The following SIGLEC1 variants were observed in gnomAD, a reference collection of about 807,000 sequenced individuals.
SIGLEC1 encodes the protein sialic acid binding Ig like lectin 1.
Under a neutral mutation model 148.0 loss-of-function variants are expected in SIGLEC1, and 132 were observed. That is an observed-to-expected ratio of 0.89 (90% CI 0.77 to 1.03). The LOEUF is 1.03. Ranked by LOEUF, SIGLEC1 falls within the 50% of genes least tolerant of loss-of-function variation. The probability of loss-of-function intolerance (pLI) is 0.00; values close to 1 mark genes in which losing one functional copy is unlikely to be tolerated. For missense variants in SIGLEC1, 2,253 were observed against 2,271.4 expected, an observed-to-expected ratio of 0.99 and a Z score of 0.16; for synonymous variants, 945 against 969.0, an observed-to-expected ratio of 0.98 and a Z score of 0.46.
In SIGLEC1 at chr20:3,704,101, A is replaced by G; in HGVS notation, c.707-10T>C. The G allele has an allele frequency of 6.2e-7, 1 of 1,609,820 alleles. No homozygotes were observed. Among genetic ancestry groups the G allele is most frequent in the East Asian group, 2.2e-5 (1 of 44,798 alleles). ...ACACCCTTGGGGGCATCTGCAAGTCACAGTAGGGGGTATTGGGTAAGGTGC... is the reference window on the plus strand; with the variant it reads ...ACACCCTTGGGGGCATCTGCAAGTCGCAGTAGGGGGTATTGGGTAAGGTGC... On this transcript the variant is annotated splice_polypyrimidine_tract_variant and intron_variant, in intron 4 of 21. Transcript: ENST00000344754.
At position 3,697,977 on chromosome 20, in the gene SIGLEC1, G is replaced by A. The variant is rs1019334904; in HGVS notation, c.1943C>T (p.Pro648Leu). The change falls in exon 9 of 22, where the codon CCA becomes CTA. Residue 648 changes from proline to leucine, a missense_variant. Physicochemically the swap from Pro to Leu is moderately conservative, Grantham distance 98. Coordinates refer to ENST00000344754, the MANE Select transcript of SIGLEC1 (RefSeq NM_023068.4). Reference sequence around the variant, plus strand: ...ACAGGTGCTGCAGCCACCCCCTGATGGCAGGGAAGTGGCCACAACACGGTC... The same window carrying A: ...ACAGGTGCTGCAGCCACCCCCTGATAGCAGGGAAGTGGCCACAACACGGTC... Reference protein sequence around the residue: ...HKDRVVATSLPSGGGCSTCGG... With the variant: ...HKDRVVATSLLSGGGCSTCGG... The A allele has an allele frequency of 6.2e-7, 1 of 1,611,704 alleles. No homozygotes were observed. The highest frequency in any genetic ancestry group is 8.5e-7 in the Non-Finnish European group (1 of 1,179,234).
Position 3,690,205 on chromosome 20 carries a change from T to TGCCCCGGAGGCCACCCTCAG in SIGLEC1, c.4631_4650dup (p.Ile1551LeufsTer21). 1.9e-6 allele frequency: 3 copies of TGCCCCGGAGGCCACCCTCAG among 1,558,756 alleles called. No homozygotes were observed. Among genetic ancestry groups the TGCCCCGGAGGCCACCCTCAG allele is most frequent in the Non-Finnish European group, 2.6e-6 (3 of 1,151,962 alleles). Reference sequence around the variant, plus strand: ...TCGCTGTCCACTCGGCAATCCAGGATGCCCCGGAGGCCACCCTCAGGCTCC... The same window carrying TGCCCCGGAGGCCACCCTCAG: ...TCGCTGTCCACTCGGCAATCCAGGATGCCCCGGAGGCCACCCTCAGGCCCCGGAGGCCACCCTCAGGCTCC... On this transcript the variant is annotated frameshift_variant, in exon 19 of 22. Coordinates refer to ENST00000344754, the MANE Select transcript of SIGLEC1 (RefSeq NM_023068.4). LOFTEE classifies it high-confidence loss of function.
intron 6 of SIGLEC1, among the ~76,000 whole-genome samples, chr20:3,702,144 C>T (rs1346149104): frequency 2.0e-5 from 3 of 152,182 alleles, no homozygotes; most frequent in East Asian, 3.8e-4. Context: ...GACTGAGGAA[C>T]AGTCTCAGAC....
intron 6 of SIGLEC1, among the ~76,000 whole-genome samples, chr20:3,702,368 G>T (rs1369474612): frequency 2.0e-5 from 3 of 152,026 alleles, no homozygotes. Flanking sequence ...GGTGGATCAC[G>T]TGAGGTCAGG....
chr20:3,692,741 G>C lies in SIGLEC1; in HGVS notation c.3810C>G (p.Ala1270=). Residue 1270 remains alanine, a synonymous_variant, in exon 16 of 22, where the codon GCC becomes GCG. Coordinates refer to ENST00000344754, the MANE Select transcript of SIGLEC1 (RefSeq NM_023068.4). ...GVRVILAPEA[A]VPEGAPITVT... is the part of the protein sequence containing the mutation. ...CTGTGATGGGGGCACCTTCAGGCAC[G>C]GCAGCCTCCGGAGCCAGGATCACCC... 6.2e-7 allele frequency: 1 copy of C among 1,611,614 alleles called. No individual in the cohort carries two copies. The highest frequency in any genetic ancestry group is 8.5e-7 in the Non-Finnish European group (1 of 1,179,556).
In SIGLEC1 at chr20:3,691,287, G is replaced by A. The variant is rs141629865; in HGVS notation, c.4591+53C>T. On this transcript the variant is annotated intron_variant, in intron 18 of 21. Transcript: ENST00000344754. ...AGACAGAAGAGGAGGAAGAACTGAG[G>A]TGGGCGTGTGAGATGTGGGGAGACT... 8,803 of 1,599,008 alleles carry A rather than the reference G, an allele frequency of 5.5e-3. 36 individuals carry two copies. Among genetic ancestry groups the A allele is most frequent in the Middle Eastern group, 0.014 (83 of 6,014 alleles).
At chr20:3,708,055 G>A (rs757225842) in intron 1 of SIGLEC1, among the ~76,000 whole-genome samples, 1 of 152,204 alleles carries the variant, frequency 6.6e-6, no homozygotes, top group Non-Finnish European at 1.5e-5. Flanking sequence ...GCAGTGCGGA[G>A]CCTACCAGGC....
chr20:3,695,035 G>A (rs915744203), intron 11 of SIGLEC1, 112 bp from the exon 12 acceptor site: 8 of 1,172,956 alleles, frequency 6.8e-6, no homozygotes, highest in African/African-American at 1.5e-5. Flanking sequence ...TGCTGGAGCC[G>A]CAGCCCCTTC....
intron 11 of SIGLEC1, 82 bp downstream of exon 11, chr20:3,696,504 T>C: frequency 5.8e-6 from 8 of 1,379,720 alleles, no homozygotes; most frequent in Non-Finnish European, 7.8e-6. Flanking sequence ...TGCACAAAAT[T>C]CACAGCACCC....
At chr20:3,690,845 TC>T (rs67495878) in intron 18 of SIGLEC1, among the ~76,000 whole-genome samples, 4,870 of 61,698 alleles carry the variant, frequency 0.079, 215 homozygotes, top group African/African-American at 0.14. Context: ...TTTTTTTTTT[TC>T]TTGAGACAGA....
intron 8 of SIGLEC1, among the ~76,000 whole-genome samples, chr20:3,698,525 C>T (rs1025644711): frequency 2.0e-5 from 3 of 152,240 alleles, no homozygotes; most frequent in Non-Finnish European, 4.4e-5. Context: ...GGAGCCTCCC[C>T]TCAAGATCTG....
At position 3,699,262 on chromosome 20, in the gene SIGLEC1, G is replaced by T; in HGVS notation, c.1726C>A (p.Arg576=). Residue 576 remains arginine, a synonymous_variant, in exon 8 of 22, where the codon CGG becomes AGG. Transcript: ENST00000344754. ...CTGGCACTGTGGCCGTCCCGGGCCC[G>T]GCAGTGGTATGAGCCGGCGTCAGTG... The part of the protein sequence containing the change: ...SSTDAGSYHC[R]ARDGHSASGP... 6.2e-7 allele frequency: 1 copy of T among 1,609,888 alleles called. No homozygotes were observed. Among genetic ancestry groups the T allele is most frequent in the Non-Finnish European group, 8.5e-7 (1 of 1,178,730 alleles).
At chr20:3,711,882 T>A (rs2087930737) in intron 1 of SIGLEC1, among the ~76,000 whole-genome samples, 1 of 152,102 alleles carries the variant, frequency 6.6e-6, no homozygotes, top group South Asian at 2.1e-4. Context: ...GTGCTGGGGT[T>A]AGAGTAAGGA....
At chr20:3,699,006 A>G (rs143612122) in intron 8 of SIGLEC1, among the ~76,000 whole-genome samples, 196 bp downstream of exon 8, 314 of 152,324 alleles carry the variant, frequency 2.1e-3, no homozygotes, top group Middle Eastern at 0.02. Flanking sequence ...GGGTAAAGAC[A>G]TGGGGAGGTA....
Position 3,691,994 on chromosome 20 carries a change from C to T in SIGLEC1, c.4239G>A (p.Val1413=), listed in dbSNP as rs543604162. 80 of 1,613,308 alleles carry T rather than the reference C, an allele frequency of 5.0e-5. No individual in the cohort carries two copies. The highest frequency in any genetic ancestry group is 2.4e-4 in the South Asian group (22 of 91,036). ...QVARNALRLQ[V]QDVPAGDDTY... ...TGTCATCACCTGCAGGCACATCTTG[C>T]ACCTGCAGCCGTAGGGCGTTTCGGG... Residue 1413 remains valine, a synonymous_variant, in exon 17 of 22, where the codon GTG becomes GTA. Transcript: ENST00000344754.
intron 1 of SIGLEC1, among the ~76,000 whole-genome samples, chr20:3,708,603 G>A (rs765769439): frequency 6.6e-6 from 1 of 151,536 alleles, no homozygotes; most frequent in African/African-American, 2.4e-5. Context: ...CTGTCTCTAC[G>A]AAAAATTAAA....
intron 21 of SIGLEC1, 43 bp from the exon 22 acceptor site, chr20:3,688,662 C>A: frequency 6.7e-7 from 1 of 1,497,620 alleles, no homozygotes; most frequent in Non-Finnish European, 9.0e-7. Flanking sequence ...CCTCTGGGAG[C>A]CAGGGCAGGC....
At position 3,689,680 on chromosome 20, in the gene SIGLEC1, G is replaced by C; in HGVS notation, c.4917C>G (p.Phe1639Leu). ...GTCCCAGGACCCAGAGCAGCTGCTG[G>C]AACTGATGCAGGCGGTGCAGGGCTG... ...GVRALHRLHQ[F>L]QQLLWVLGLL... Residue 1639 changes from phenylalanine (F) to leucine (L), a missense_variant, in exon 20 of 22, where the codon TTC becomes TTG. Transcript: ENST00000344754. The C allele has an allele frequency of 6.3e-7, 1 of 1,584,980 alleles. No individual in the cohort carries two copies.
Position 3,697,932 on chromosome 20 carries a change from A to T in SIGLEC1, c.1988T>A (p.Met663Lys). ...CAAGTTGGGGGCTTTGGTGACCTTC[A>T]TGCGTGGGGAACAGCCCCCACAGGT... ...CSTCGGCSPR[M>K]KVTKAPNLLR... Residue 663 changes from methionine (M) to lysine (K), a missense_variant, in exon 9 of 22, where the codon ATG (methionine) becomes AAG (lysine). Met to Lys is a moderately conservative substitution (Grantham distance 95). Transcript: ENST00000344754. The T allele has an allele frequency of 6.2e-7, 1 of 1,612,976 alleles. No individual in the cohort carries two copies. Among genetic ancestry groups the T allele is most frequent in the African/African-American group, 1.3e-5 (1 of 75,052 alleles).
Sources: gnomAD v4.1 joint callset for allele counts (sites outside exome capture counted in the v4.1 genomes callset) on GRCh38, gnomAD v4.1.1 for gene constraint, MANE v1.5 for transcripts, NCBI Gene and HGNC (gene_info 2026-07-23, HGNC 2026-07-21) for gene names.